DIP2C: variants seen among roughly 807,000 people sequenced by gnomAD.
The protein encoded by DIP2C is DIP2 acetate--CoA ligase C (putative), also known as disco-interacting protein 2 homolog C.
In DIP2C, 33 loss-of-function variants were observed where a neutral mutation model predicts 192.4. The observed-to-expected ratio is 0.17, with a 90% CI of 0.13 to 0.23. DIP2C has a LOEUF of 0.23. DIP2C is among the 10% of genes least tolerant of loss of function. The pLI, the probability that DIP2C is intolerant of heterozygous loss-of-function variation, is 1.00. For synonymous variants in DIP2C, 979 were observed against 864.1 expected, an observed-to-expected ratio of 1.13 and a Z score of -2.33; for missense variants, 1,537 against 2,110.1, an observed-to-expected ratio of 0.73 and a Z score of 5.32.
chr10:319,980 G>C (rs1034706809), intron 31 of DIP2C, among the ~76,000 whole-genome samples: 6 of 152,148 alleles, frequency 3.9e-5, no homozygotes, highest in African/African-American at 1.4e-4. Flanking sequence ...TTTTTCCAGC[G>C]TGAATGACTC....
chr10:387,458 G>C (rs972475582), intron 14 of DIP2C, among the ~76,000 whole-genome samples: 4 of 151,932 alleles, frequency 2.6e-5, no homozygotes, highest in African/African-American at 9.7e-5. Flanking sequence ...CAGACAGTGA[G>C]GGGAGGGGAC....
At chr10:556,520 C>G (rs937516151) in intron 1 of DIP2C, among the ~76,000 whole-genome samples, 6 of 150,860 alleles carry the variant, frequency 4.0e-5, no homozygotes, top group Admixed American at 4.0e-4. Context: ...TTGGAGGTTC[C>G]TCAGCAAACT....
chr10:513,779 T>C (rs916218054), intron 1 of DIP2C, among the ~76,000 whole-genome samples: 1 of 152,068 alleles, frequency 6.6e-6, no homozygotes, highest in East Asian at 1.9e-4. Context: ...ATCATGTGCA[T>C]GGCAATTTTA....
intron 1 of DIP2C, among the ~76,000 whole-genome samples, chr10:577,134 G>A (rs1362212715): frequency 6.6e-6 from 1 of 152,160 alleles, no homozygotes; most frequent in African/African-American, 2.4e-5. Flanking sequence ...TTCCATAAAT[G>A]AGTAAGTTCC....
At chr10:543,579 CAT>C (rs1483520545) in intron 1 of DIP2C, among the ~76,000 whole-genome samples, 1 of 152,206 alleles carries the variant, frequency 6.6e-6, no homozygotes, top group African/African-American at 2.4e-5. Context: ...TAGGCTGTAA[CAT>C]ATAGTATGGA....
At chr10:475,583 C>T (rs755347843) in intron 2 of DIP2C, among the ~76,000 whole-genome samples, 7 of 152,128 alleles carry the variant, frequency 4.6e-5, no homozygotes, top group African/African-American at 7.2e-5. Flanking sequence ...CAGAAAGCTA[C>T]TTTTGCATAC....
At chr10:660,680 A>G (rs1444781560) in intron 1 of DIP2C, among the ~76,000 whole-genome samples, 1 of 152,246 alleles carries the variant, frequency 6.6e-6, no homozygotes, top group Non-Finnish European at 1.5e-5. Context: ...AAGCTGATTT[A>G]TAAGAGATGG....
intron 1 of DIP2C, among the ~76,000 whole-genome samples, chr10:576,632 G>T (rs74115066): frequency 6.6e-6 from 1 of 152,158 alleles, no homozygotes; most frequent in Non-Finnish European, 1.5e-5. Flanking sequence ...GATCAGGCCA[G>T]GGATGGTGGC....
intron 1 of DIP2C, among the ~76,000 whole-genome samples, chr10:529,345 G>A (rs1381577096): frequency 7.2e-6 from 1 of 138,808 alleles, no homozygotes; most frequent in East Asian, 2.1e-4. Flanking sequence ...AGAAGGCAGC[G>A]GCTGTAATTA....
intron 1 of DIP2C, among the ~76,000 whole-genome samples, chr10:501,045 T>C (rs1276188105): frequency 1.3e-5 from 2 of 152,300 alleles, no homozygotes; most frequent in South Asian, 2.1e-4. Context: ...CCAGAGAAGT[T>C]TGTACACACA....
chr10:603,713 T>C (rs939139253), intron 1 of DIP2C, among the ~76,000 whole-genome samples: 10 of 152,176 alleles, frequency 6.6e-5, no homozygotes, highest in African/African-American at 9.7e-5. Flanking sequence ...TGGAGGTGAA[T>C]AGATACAATG....
At chr10:405,183 G>A (rs570973355) in intron 9 of DIP2C, among the ~76,000 whole-genome samples, 1 of 152,232 alleles carries the variant, frequency 6.6e-6, no homozygotes. Flanking sequence ...GAGAGGATGC[G>A]TGTCATCCCC....
At chr10:465,481 A>G (rs896359974) in intron 3 of DIP2C, among the ~76,000 whole-genome samples, 9 of 152,010 alleles carry the variant, frequency 5.9e-5, no homozygotes, top group African/African-American at 1.9e-4. Context: ...CTGGCACGAC[A>G]CAGGGATGCC....
chr10:526,366 T>C (rs1011270168), intron 1 of DIP2C, among the ~76,000 whole-genome samples: 2 of 152,202 alleles, frequency 1.3e-5, no homozygotes, highest in Non-Finnish European at 2.9e-5. Context: ...TGTGCATTTA[T>C]TTATGTTAAA....
chr10:452,001 C>T, intron 3 of DIP2C, among the ~76,000 whole-genome samples: 1 of 152,126 alleles, frequency 6.6e-6, no homozygotes, highest in East Asian at 1.9e-4. Flanking sequence ...CAGGGCGACA[C>T]AAGGAGACCA....
chr10:603,331 A>AAAC (rs1852229485), intron 1 of DIP2C, among the ~76,000 whole-genome samples: 5 of 129,364 alleles, frequency 3.9e-5, no homozygotes, highest in African/African-American at 6.5e-5. Flanking sequence ...AAAAAAAAAA[A>AAAC]AACCAACCAT....
At chr10:635,825 A>G (rs1426131051) in intron 1 of DIP2C, among the ~76,000 whole-genome samples, 2 of 152,170 alleles carry the variant, frequency 1.3e-5, no homozygotes, top group Non-Finnish European at 2.9e-5. Flanking sequence ...TCTTGTCAGG[A>G]AAGACCCCCA....
At chr10:587,479 A>C (rs1482753955) in intron 1 of DIP2C, among the ~76,000 whole-genome samples, 1 of 152,208 alleles carries the variant, frequency 6.6e-6, no homozygotes, top group African/African-American at 2.4e-5. Flanking sequence ...TCATTTAATA[A>C]AATGAAATAA....
At position 424,371 on chromosome 10, in the gene DIP2C, T is replaced by G. The variant is rs866408866; in HGVS notation, c.395-1338A>C. On this transcript the variant is annotated intron_variant, in intron 4 of 36. Coordinates refer to ENST00000280886, the MANE Select transcript of DIP2C (RefSeq NM_014974.3). Reference sequence around the variant, plus strand: ...TCACCTTGGGTTTTTTTTTTTTTTTTTTTTTTTTTTTTGAGACAGAGTCTT... The same window carrying G: ...TCACCTTGGGTTTTTTTTTTTTTTTGTTTTTTTTTTTTGAGACAGAGTCTT... Among the ~76,000 whole-genome samples, 943 of 143,278 alleles carry G rather than the reference T, an allele frequency of 6.6e-3. 23 individuals carry two copies. Among genetic ancestry groups the G allele is most frequent in the African/African-American group, 0.024 (906 of 38,328 alleles). 94.0% of individuals were successfully genotyped at this position (143,278 alleles called of 152,430 possible).
Sources: allele counts gnomAD v4.1 joint callset (sites outside exome capture counted in the v4.1 genomes callset), GRCh38; gene constraint gnomAD v4.1.1; transcripts MANE v1.5; gene names NCBI Gene and HGNC (gene_info 2026-07-23, HGNC 2026-07-21).